Variants in SCN3A observed in about 807,000 individuals in gnomAD.
SCN3A encodes the protein sodium channel protein type 3 subunit alpha.
A neutral mutation model predicts 187.6 loss-of-function variants in SCN3A; 60 were observed. That is an observed-to-expected ratio of 0.32 (90% confidence interval 0.26 to 0.40). SCN3A has a LOEUF of 0.40. SCN3A is among the 10% of genes least tolerant of loss of function. The pLI is 1.00. For missense variants in SCN3A, 1,601 were observed against 2,428.2 expected (o/e 0.66, Z 7.16); for synonymous variants, 788 against 829.2 (o/e 0.95, Z 0.85).
intron 2 of SCN3A, 60 bp from the exon 3 acceptor site, chr2:165,176,504 T>A: frequency 1.5e-6 from 2 of 1,311,198 alleles, no homozygotes; most frequent in Non-Finnish European, 1.1e-6. Context: ...CATAAGAACA[T>A]CAACCAAAAT....
chr2:165,135,220 A>AAAAAC (rs915612984), intron 15 of SCN3A, among the ~76,000 whole-genome samples: 1 of 152,088 alleles, frequency 6.6e-6, no homozygotes, highest in African/African-American at 2.4e-5. Context: ...ATAATGATTA[A>AAAAAC]AAAACAAAAC....
chr2:165,151,968 C>T (rs1384885246), intron 11 of SCN3A, among the ~76,000 whole-genome samples: 2 of 152,092 alleles, frequency 1.3e-5, no homozygotes, highest in African/African-American at 4.8e-5. Context: ...AATAATTAGT[C>T]TTAGAATAAA....
chr2:165,163,007 G>A (rs1158782500), intron 7 of SCN3A, among the ~76,000 whole-genome samples, 179 bp from the exon 8 acceptor site: 1 of 152,144 alleles, frequency 6.6e-6, no homozygotes, highest in African/African-American at 2.4e-5. Flanking sequence ...CATGAACAGT[G>A]TGCTTGCTGG....
At chr2:165,116,864 C>T (rs1686390811) in intron 18 of SCN3A, among the ~76,000 whole-genome samples, 1 of 151,496 alleles carries the variant, frequency 6.6e-6, no homozygotes, top group East Asian at 1.9e-4. Context: ...TAGTAGAGTA[C>T]CTCCTAGGTT....
At chr2:165,106,876 AGCTATT>A (rs1382963324) in intron 21 of SCN3A, among the ~76,000 whole-genome samples, 24 of 152,162 alleles carry the variant, frequency 1.6e-4, no homozygotes, top group African/African-American at 5.3e-4. Flanking sequence ...ACATTTAGTA[AGCTATT>A]GCTTGGTCCA....
intron 15 of SCN3A, among the ~76,000 whole-genome samples, chr2:165,132,995 A>G (rs1687438486): frequency 6.6e-6 from 1 of 152,348 alleles, no homozygotes; most frequent in African/African-American, 2.4e-5. Flanking sequence ...ACTTCTCAAA[A>G]GAAGACATTT....
chr2:165,114,010 T>C, intron 19 of SCN3A, 40 bp from the exon 20 acceptor site: 1 of 1,325,992 alleles, frequency 7.5e-7, no homozygotes, highest in Non-Finnish European at 1.0e-6. Flanking sequence ...TATATTTTAA[T>C]CTTAAATAGG....
intron 18 of SCN3A, among the ~76,000 whole-genome samples, chr2:165,116,772 T>A (rs1686385898): frequency 1.3e-5 from 2 of 152,142 alleles, no homozygotes; most frequent in South Asian, 4.1e-4. Context: ...GTGGTGTTAC[T>A]TTAAAGTTGA....
intron 14 of SCN3A, among the ~76,000 whole-genome samples, chr2:165,138,998 T>C (rs1431505475): frequency 1.3e-5 from 2 of 152,124 alleles, no homozygotes; most frequent in Non-Finnish European, 2.9e-5. Flanking sequence ...GGTTGCTGTG[T>C]ATGTAGAAGA....
In SCN3A at chr2:165,090,448, A is replaced by G. The variant is rs1466327728; in HGVS notation, c.5705T>C (p.Val1902Ala). 1.2e-6 allele frequency: 2 copies of G among 1,613,880 alleles called. No individual in the cohort carries two copies. The highest frequency in any genetic ancestry group is 2.2e-5 in the South Asian group (2 of 91,072). ...ATTACGCTGAATGATAGCGGCAGAC[A>G]CCTCCTCTTGTTTACGTTTCAAAGT... ...TTTLKRKQEEVSAAIIQRNFR... is the reference protein window; with the variant it reads ...TTTLKRKQEEASAAIIQRNFR... The change falls in exon 28 of 28, where the codon GTG becomes GCG. Residue 1902 changes from valine (V) to alanine (A), a missense_variant. This residue lies in a region of SCN3A where 110 missense variants were observed against 175.9 expected (regional missense o/e 0.63). Coordinates refer to ENST00000283254, the MANE Select transcript of SCN3A (RefSeq NM_006922.4). The surrounding 1 kb of genome is among the most constrained non-coding windows in gnomAD (Gnocchi z 4.0).
intron 9 of SCN3A, among the ~76,000 whole-genome samples, chr2:165,157,950 A>G (rs1689162824): frequency 6.6e-6 from 1 of 151,910 alleles, no homozygotes. Context: ...TCTTAGTTTT[A>G]GGTACTATCA....
rs1687084175 is a variant in SCN3A, at chr2:165,127,855, T to C, written c.3169A>G (p.Ile1057Val). The change falls in exon 18 of 28, where the codon ATA (isoleucine) becomes GTA (valine). Residue 1057 changes from isoleucine (I) to valine (V), a missense_variant. By Grantham distance (29) the Ile-to-Val change is conservative. Coordinates refer to ENST00000283254, the MANE Select transcript of SCN3A (RefSeq NM_006922.4). ...CTAAGATAATTAAGCTCTTTGCTTA[T>C]TTCAATTCCAGTATTATTGGACATG... is the stretch of plus-strand genomic sequence containing the variant. ...SCMSNNTGIE[I>V]SKELNYLRDG... The C allele has an allele frequency of 6.2e-7, 1 of 1,614,220 alleles. No homozygotes were observed. Among genetic ancestry groups the C allele is most frequent in the Non-Finnish European group, 8.5e-7 (1 of 1,180,022 alleles).
At chr2:165,099,599 C>A (rs888246408) in intron 22 of SCN3A, among the ~76,000 whole-genome samples, 2 of 152,056 alleles carry the variant, frequency 1.3e-5, no homozygotes, top group African/African-American at 4.8e-5. Context: ...CACCTGTAGT[C>A]CCAGCTACTC....
intron 3 of SCN3A, among the ~76,000 whole-genome samples, chr2:165,171,734 T>G (rs912899994): frequency 1.3e-5 from 2 of 152,122 alleles, no homozygotes; most frequent in Admixed American, 1.3e-4. Flanking sequence ...TAATTTGTAC[T>G]CTTTTACATG....
chr2:165,094,330 G>T, intron 26 of SCN3A, 44 bp downstream of exon 26: 1 of 1,349,574 alleles, frequency 7.4e-7, no homozygotes, highest in Non-Finnish European at 1.1e-6. Flanking sequence ...TTGACCATAT[G>T]GACGCATGGC....
At chr2:165,192,829 G>A (rs574943954) in intron 1 of SCN3A, among the ~76,000 whole-genome samples, 1 of 152,132 alleles carries the variant, frequency 6.6e-6, no homozygotes, top group South Asian at 2.1e-4. Flanking sequence ...TGAGGAGAAG[G>A]ATGTATTGAC....
At chr2:165,113,751 T>G in intron 20 of SCN3A, 65 bp downstream of exon 20, 1 of 1,529,286 alleles carries the variant, frequency 6.5e-7, no homozygotes, top group South Asian at 1.1e-5. Context: ...TGTTTGCATC[T>G]GGTAATTTTG....
At chr2:165,122,453 T>A (rs1686736566) in intron 18 of SCN3A, among the ~76,000 whole-genome samples, 1 of 152,128 alleles carries the variant, frequency 6.6e-6, no homozygotes, top group Non-Finnish European at 1.5e-5. Context: ...GTTGTGGTCT[T>A]ATTTTAATGA....
intron 19 of SCN3A, 88 bp downstream of exon 19, chr2:165,115,367 T>G (rs1686316171): frequency 4.5e-6 from 7 of 1,571,346 alleles, no homozygotes; most frequent in Non-Finnish European, 6.1e-6. Context: ...ACACCTCGTT[T>G]CATAAATTTT....
Sources: allele counts gnomAD v4.1 joint callset (sites outside exome capture counted in the v4.1 genomes callset), GRCh38; gene constraint gnomAD v4.1.1; regional missense constraint gnomAD v4.1.1; non-coding constraint Gnocchi (gnomAD v3.1); transcripts MANE v1.5; gene names NCBI Gene and HGNC (gene_info 2026-07-23, HGNC 2026-07-21).